PDK1: variants seen among roughly 807,000 people sequenced by gnomAD.
The protein encoded by PDK1 is [Pyruvate dehydrogenase (acetyl-transferring)] kinase isozyme 1, mitochondrial.
A neutral mutation model predicts 54.2 loss-of-function variants in PDK1; 39 were observed. The ratio of observed to expected loss-of-function variants is 0.72; its 90% CI spans 0.56 to 0.94. The LOEUF (loss-of-function observed/expected upper bound fraction) is 0.94, where lower values mean the gene tolerates loss of function less well. Among genes scored for constraint, PDK1 ranks in the 40% least tolerant of loss-of-function variants. The pLI is 0.00. For missense variants in PDK1, 552 were observed against 566.0 expected (o/e 0.98, Z 0.25); for synonymous variants, 221 against 207.1 (o/e 1.07, Z -0.58).
chr2:172,697,165 T>G, the PDK1 span, among the ~76,000 whole-genome samples: 1 of 152,110 alleles, frequency 6.6e-6, no homozygotes, highest in Non-Finnish European at 1.5e-5. Flanking sequence ...TTTGCTGCCT[T>G]AAGAAAATCT....
chr2:172,712,089 A>G, the PDK1 span, among the ~76,000 whole-genome samples: 1 of 152,112 alleles, frequency 6.6e-6, no homozygotes, highest in Non-Finnish European at 1.5e-5. Context: ...ATAGGTTTAA[A>G]AGACTAGGTT....
At chr2:172,650,962 G>A in the PDK1 span, among the ~76,000 whole-genome samples, 1 of 152,204 alleles carries the variant, frequency 6.6e-6, no homozygotes, top group African/African-American at 2.4e-5. Flanking sequence ...ATTGAATTCA[G>A]CTCTGCACCA....
chr2:172,670,564 A>T, the PDK1 span, among the ~76,000 whole-genome samples: 1 of 152,220 alleles, frequency 6.6e-6, no homozygotes, highest in East Asian at 1.9e-4. Flanking sequence ...ACAAAGTACA[A>T]ATAGTGAACA....
chr2:172,612,516 AAC>A (rs148571017), downstream of PDK1, among the ~76,000 whole-genome samples: 2,739 of 152,274 alleles, frequency 0.018, 92 homozygotes, highest in African/African-American at 0.063. Context: ...AAATTTCTCA[AAC>A]ACATGGTCGA....
the PDK1 span, among the ~76,000 whole-genome samples, chr2:172,623,610 T>G: frequency 6.6e-6 from 1 of 152,222 alleles, no homozygotes; most frequent in African/African-American, 2.4e-5. Flanking sequence ...CCCACAGGGT[T>G]TGCTAGGGCA....
chr2:172,586,580 C>T (rs556012194), intron 9 of PDK1, among the ~76,000 whole-genome samples, 192 bp downstream of exon 9: 18 of 151,670 alleles, frequency 1.2e-4, no homozygotes, highest in African/African-American at 3.9e-4. Flanking sequence ...GAAATGGGCA[C>T]GAGACAGAGA....
At chr2:172,579,043 C>T (rs906535255) in intron 8 of PDK1, among the ~76,000 whole-genome samples, 5 of 152,132 alleles carry the variant, frequency 3.3e-5, no homozygotes, top group African/African-American at 1.2e-4. Context: ...CTGAGCATGA[C>T]CCTGGGCATG....
the PDK1 span, among the ~76,000 whole-genome samples, chr2:172,664,886 A>G: frequency 6.6e-6 from 1 of 152,068 alleles, no homozygotes; most frequent in African/African-American, 2.4e-5. Context: ...TCGAAATTCC[A>G]TTTCCTGGCT....
At chr2:172,578,333 ATTTTCATTTCGTTTAT>A (rs1689688862) in intron 8 of PDK1, among the ~76,000 whole-genome samples, 1 of 152,020 alleles carries the variant, frequency 6.6e-6, no homozygotes, top group South Asian at 2.1e-4. Context: ...CTCTAGTGAA[ATTTTCATTTCGTTTAT>A]TTTTCATTTC....
chr2:172,651,784 T>A, the PDK1 span, among the ~76,000 whole-genome samples: 1 of 152,164 alleles, frequency 6.6e-6, no homozygotes, highest in East Asian at 1.9e-4. Context: ...GTTGAATCTC[T>A]GAATAGACCA....
chr2:172,609,811 C>T (rs1380793920), downstream of PDK1, among the ~76,000 whole-genome samples: 2 of 152,102 alleles, frequency 1.3e-5, no homozygotes, highest in Non-Finnish European at 2.9e-5. Context: ...AGAAAAAGCA[C>T]TCACTACTTT....
In PDK1 at chr2:172,595,977, T is replaced by G. The variant is rs180942102; in HGVS notation, c.*8T>G. On this transcript the variant is annotated 3_prime_UTR_variant, in exon 11 of 11. Coordinates refer to ENST00000282077, the MANE Select transcript of PDK1 (RefSeq NM_002610.5). ...ACGTTCCGCAGTGCCTAGACACACT[T>G]GGGACATCGGAAAATCCAAATGTGG... is the stretch of plus-strand genomic sequence containing the variant. 4,812 of 1,602,268 alleles carry G rather than the reference T, an allele frequency of 3.0e-3. 19 individuals carry two copies. The highest frequency in any genetic ancestry group is 3.1e-3 in the Non-Finnish European group (3,581 of 1,172,730).
At chr2:172,592,523 C>T (rs1690656565) in intron 9 of PDK1, among the ~76,000 whole-genome samples, 1 of 152,140 alleles carries the variant, frequency 6.6e-6, no homozygotes, top group Admixed American at 6.5e-5. Context: ...CTCTTTCTCT[C>T]TTTCCTTTCT....
chr2:172,668,753 A>G, the PDK1 span, among the ~76,000 whole-genome samples: 2 of 147,134 alleles, frequency 1.4e-5, no homozygotes, highest in Non-Finnish European at 1.5e-5. Context: ...TATATTAAAT[A>G]TATATATATT....
the PDK1 span, among the ~76,000 whole-genome samples, chr2:172,644,203 C>A: frequency 6.6e-6 from 1 of 152,196 alleles, no homozygotes; most frequent in Non-Finnish European, 1.5e-5. Context: ...GGGAGAGAGA[C>A]TTTAAAAATG....
chr2:172,615,639 A>G, the PDK1 span, among the ~76,000 whole-genome samples: 1 of 152,094 alleles, frequency 6.6e-6, no homozygotes, highest in Non-Finnish European at 1.5e-5. Flanking sequence ...AAAAAACATT[A>G]ATTAATAGAA....
At chr2:172,706,164 T>C in the PDK1 span, among the ~76,000 whole-genome samples, 745 of 152,346 alleles carry the variant, frequency 4.9e-3, 5 homozygotes, top group African/African-American at 0.017. Context: ...ACTTAACCTT[T>C]TGCAACTGTG....
In PDK1 at chr2:172,600,568, C is replaced by T. The variant is rs1336692963; in HGVS notation, c.*4599C>T. On this transcript the variant is annotated 3_prime_UTR_variant, in exon 11 of 11. Coordinates refer to ENST00000282077, the MANE Select transcript of PDK1 (RefSeq NM_002610.5). ...TGGCCAAGGAGATCGAGGTCGCAGA[C>T]ACACACAGTTTGGAGCAGGAGTTTA... The T allele has an allele frequency of 1.3e-5, 2 of 152,152 alleles. No individual in the cohort carries two copies. The highest frequency in any genetic ancestry group is 2.9e-5 in the Non-Finnish European group (2 of 68,048). The allele number at this position is 152,152 out of a possible 1,614,324, so 9.4% of individuals were successfully genotyped here. A position where few individuals can be genotyped will look rare whatever the true frequency, so the allele number is the denominator to read the frequency against.
the PDK1 span, among the ~76,000 whole-genome samples, chr2:172,701,837 A>G: frequency 6.6e-6 from 1 of 152,118 alleles, no homozygotes; most frequent in African/African-American, 2.4e-5. Context: ...ATTTTAAGAG[A>G]CAGTTCATTT....
Sources: gnomAD v4.1 joint callset for allele counts (sites outside exome capture counted in the v4.1 genomes callset) on GRCh38, gnomAD v4.1.1 for gene constraint, MANE v1.5 for transcripts, NCBI Gene and HGNC (gene_info 2026-07-23, HGNC 2026-07-21) for gene names.